RABEP1: variants seen among roughly 807,000 people sequenced by gnomAD.
The protein encoded by RABEP1 is rabaptin, RAB GTPase binding effector protein 1, also known as rab GTPase-binding effector protein 1.
Under a neutral mutation model 123.4 loss-of-function variants are expected in RABEP1, and 51 were observed. The ratio of observed to expected loss-of-function variants is 0.41; its 90% confidence interval spans 0.33 to 0.52. The LOEUF (loss-of-function observed/expected upper bound fraction) is 0.52. RABEP1 is among the 20% of genes least tolerant of loss of function. RABEP1 has a pLI of 0.16. For synonymous variants in RABEP1, 347 were observed against 355.2 expected (o/e 0.98, Z 0.26); for missense variants, 888 against 996.3 (o/e 0.89, Z 1.46).
At chr17:5,313,482 T>A (rs1345242039) in intron 2 of RABEP1, among the ~76,000 whole-genome samples, 3 of 152,230 alleles carry the variant, frequency 2.0e-5, no homozygotes, top group Non-Finnish European at 4.4e-5. Context: ...TTCCTTTGTT[T>A]TCTTATTTTC....
intron 2 of RABEP1, among the ~76,000 whole-genome samples, chr17:5,309,197 C>T (rs2075210704): frequency 6.6e-6 from 1 of 152,114 alleles, no homozygotes; most frequent in African/African-American, 2.4e-5. Context: ...AACAAATATT[C>T]AGTTATTTAT....
chr17:5,362,812 A>G lies in RABEP1; in HGVS notation c.1564-100A>G, dbSNP rs796297348. On this transcript the variant is annotated intron_variant, in intron 9 of 17. Transcript: ENST00000537505. Reference sequence around the variant, plus strand: ...AGGCCCTGAAGAAAGTGTTTACTGCATGTTCTACTGACTACCATTGGTAAG... The same window carrying G: ...AGGCCCTGAAGAAAGTGTTTACTGCGTGTTCTACTGACTACCATTGGTAAG... The G allele has an allele frequency of 7.2e-5, 55 of 766,152 alleles. No individual in the cohort carries two copies. In the African/African-American group the frequency reaches 8.5e-4, roughly 12 times the overall value. 47.5% of individuals were successfully genotyped at this position (766,152 alleles called of 1,614,324 possible). A position where few individuals can be genotyped will look rare whatever the true frequency, so the allele number is the denominator to read the frequency against.
Position 5,385,699 on chromosome 17 carries a change from G to C in RABEP1, c.*2476G>C, listed in dbSNP as rs376462884. On this transcript the variant is annotated 3_prime_UTR_variant, in exon 18 of 18. Coordinates refer to ENST00000537505, the MANE Select transcript of RABEP1 (RefSeq NM_004703.6). ...TGAGCCAGCAGTGGCCTTTGCAATT[G>C]TGGATCTTGAGCTCTGCTCTCAGCA... 26 of 231,440 alleles carry C rather than the reference G, an allele frequency of 1.1e-4. No individual in the cohort carries two copies. In the East Asian group the frequency reaches 1.3e-3, roughly 11 times the overall value. The allele number at this position is 231,440 out of a possible 1,614,324, so 14.3% of individuals were successfully genotyped here. A position where few individuals can be genotyped will look rare whatever the true frequency, so the allele number is the denominator to read the frequency against.
At chr17:5,282,570 G>T in intron 1 of RABEP1, 50 bp downstream of exon 1, 2 of 1,116,908 alleles carry the variant, frequency 1.8e-6, no homozygotes, top group South Asian at 8.9e-5. Flanking sequence ...GCCCGGCGTC[G>T]GCGTCGCGGG....
chr17:5,379,291 C>G (rs1389694295), intron 15 of RABEP1, among the ~76,000 whole-genome samples: 1 of 152,188 alleles, frequency 6.6e-6, no homozygotes, highest in Non-Finnish European at 1.5e-5. Context: ...CTGCTTCTGA[C>G]CACAGTGTCA....
intron 12 of RABEP1, chr17:5,371,530 G>T (rs920493841): frequency 6.6e-6 from 1 of 152,076 alleles, no homozygotes; most frequent in African/African-American, 2.4e-5. Flanking sequence ...AAGGTGGTGG[G>T]ATACTAAGAT....
intron 7 of RABEP1, among the ~76,000 whole-genome samples, chr17:5,353,146 A>T (rs1044148537): frequency 2.0e-5 from 3 of 151,884 alleles, no homozygotes; most frequent in Non-Finnish European, 4.4e-5. Flanking sequence ...GTGCCTGCCC[A>T]TTTTTCATCC....
At chr17:5,341,381 A>G (rs1335521024) in intron 5 of RABEP1, among the ~76,000 whole-genome samples, 1 of 152,248 alleles carries the variant, frequency 6.6e-6, no homozygotes, top group Non-Finnish European at 1.5e-5. Flanking sequence ...CTAATAAAAG[A>G]TAATTAGCCC....
intron 1 of RABEP1, among the ~76,000 whole-genome samples, chr17:5,299,252 T>C (rs1332375864): frequency 3.9e-5 from 6 of 152,130 alleles, no homozygotes; most frequent in Admixed American, 3.9e-4. Context: ...AGACAAGATG[T>C]TCCAGGCTTA....
At chr17:5,287,296 C>T (rs1053687896) in intron 1 of RABEP1, among the ~76,000 whole-genome samples, 7 of 151,906 alleles carry the variant, frequency 4.6e-5, no homozygotes, top group African/African-American at 1.5e-4. Flanking sequence ...CGAGGTGGCT[C>T]ATGCCTAGAA....
In RABEP1 at chr17:5,348,225, C is replaced by T. The variant is rs562034047; in HGVS notation, c.784+1300C>T. 1.4e-4 allele frequency among the ~76,000 whole-genome samples: 22 copies of T among 152,282 alleles called. 1 individual carries two copies. Among genetic ancestry groups the T allele is most frequent in the South Asian group, 6.2e-4 (3 of 4,828 alleles). On this transcript the variant is annotated intron_variant, in intron 6 of 17. Coordinates refer to ENST00000537505, the MANE Select transcript of RABEP1 (RefSeq NM_004703.6). ...AACTCCTGACCTCAGGTGATCCATC[C>T]GCCTCAGCCTCCCAAAGTGCTGGGA...
At chr17:5,365,036 T>C in intron 10 of RABEP1, 86 bp from the exon 11 acceptor site, 1 of 797,348 alleles carries the variant, frequency 1.3e-6, no homozygotes. Flanking sequence ...TAAGAGATTT[T>C]TTTTTAAAAT....
intron 1 of RABEP1, among the ~76,000 whole-genome samples, chr17:5,284,986 A>G (rs1333050779): frequency 6.6e-6 from 1 of 152,200 alleles, no homozygotes; most frequent in Non-Finnish European, 1.5e-5. Flanking sequence ...TAAAAAAAAA[A>G]AAATATTGTC....
chr17:5,311,462 C>T (rs569900628), intron 2 of RABEP1, among the ~76,000 whole-genome samples: 59 of 151,548 alleles, frequency 3.9e-4, no homozygotes, highest in African/African-American at 1.3e-3. Context: ...TTTGGGAGGC[C>T]GAGGCAGGCG....
chr17:5,373,509 C>T, intron 13 of RABEP1, 55 bp downstream of exon 13: 2 of 1,521,030 alleles, frequency 1.3e-6, no homozygotes, highest in East Asian at 2.3e-5. Flanking sequence ...TCTGAAATGG[C>T]CGTATGTTCT....
At chr17:5,356,966 C>T (rs1909069350) in intron 8 of RABEP1, among the ~76,000 whole-genome samples, 1 of 152,156 alleles carries the variant, frequency 6.6e-6, no homozygotes, top group African/African-American at 2.4e-5. Context: ...CAACCTCTGC[C>T]TCCCAGGTTC....
At chr17:5,377,514 TAA>T (rs772937910) in intron 14 of RABEP1, among the ~76,000 whole-genome samples, 10,965 of 126,826 alleles carry the variant, frequency 0.086, 693 homozygotes, top group Middle Eastern at 0.11. Context: ...TCTGGTTATT[TAA>T]AAAATTTTTT....
chr17:5,383,206 C>T lies in RABEP1; in HGVS notation c.2572C>T (p.Gln858Ter). 6.2e-7 allele frequency: 1 copy of T among 1,614,058 alleles called. No homozygotes were observed. The highest frequency in any genetic ancestry group is 8.5e-7 in the Non-Finnish European group (1 of 1,179,964). The change falls in exon 18 of 18, where the codon CAG becomes TAG. Residue 858 changes from glutamine (Q) to a stop codon, truncating the protein, a stop_gained. Transcript: ENST00000537505. LOFTEE classifies it high-confidence loss of function. The part of the protein sequence containing the change: ...LNDTKLTDIN[Q>*]LPET ...TGATACTAAACTGACAGACATTAACCAGCTTCCTGAGACATGACACCCTCA... is the reference window on the plus strand; with the variant it reads ...TGATACTAAACTGACAGACATTAACTAGCTTCCTGAGACATGACACCCTCA...
rs1911812048 is a variant in RABEP1 at position 5,384,826 on chromosome 17, ATAACTATT to A, written c.*1604_*1611del. Reference sequence around the variant, plus strand: ...TACATGGTTTAGATAAAGGAAACATATAACTATTGAGTTACAGGGGATTTTATTAATTA... The same window carrying A: ...TACATGGTTTAGATAAAGGAAACATAGAGTTACAGGGGATTTTATTAATTA... On this transcript the variant is annotated 3_prime_UTR_variant, in exon 18 of 18. Transcript: ENST00000537505. 9.2e-6 allele frequency: 2 copies of A among 217,146 alleles called. No individual in the cohort carries two copies. The highest frequency in any genetic ancestry group is 4.5e-5 in the African/African-American group (2 of 44,536). The allele number at this position is 217,146 out of a possible 1,614,324, so 13.5% of individuals were successfully genotyped here.
Sources: gnomAD v4.1 joint callset for allele counts (sites outside exome capture counted in the v4.1 genomes callset) on GRCh38, gnomAD v4.1.1 for gene constraint, MANE v1.5 for transcripts, NCBI Gene and HGNC (gene_info 2026-07-23, HGNC 2026-07-21) for gene names.